MERTK: variants seen among roughly 807,000 people sequenced by gnomAD.
The protein encoded by MERTK is MER proto-oncogene, tyrosine kinase.
A neutral mutation model predicts 99.3 loss-of-function variants in MERTK; 69 were observed. The ratio of observed to expected loss-of-function variants is 0.70; its 90% CI spans 0.57 to 0.85. The LOEUF is 0.85. Ranked by LOEUF, MERTK falls within the 40% of genes least tolerant of loss-of-function variation. MERTK has a pLI of 0.00. For missense variants in MERTK, 1,125 were observed against 1,249.4 expected, an observed-to-expected ratio of 0.90 and a Z score of 1.50; for synonymous variants, 426 against 467.6, an observed-to-expected ratio of 0.91 and a Z score of 1.15.
chr2:111,925,901 C>T (rs566745619), intron 1 of MERTK, among the ~76,000 whole-genome samples: 24 of 151,060 alleles, frequency 1.6e-4, no homozygotes, highest in Admixed American at 2.6e-4. Flanking sequence ...GGCGCGATCT[C>T]GGCTCACTGC....
At chr2:111,918,688 T>A (rs1425509206) in intron 1 of MERTK, among the ~76,000 whole-genome samples, 2 of 152,268 alleles carry the variant, frequency 1.3e-5, no homozygotes, top group Non-Finnish European at 2.9e-5. Flanking sequence ...TTGGCATTGA[T>A]AGTCCAGGCA....
chr2:112,018,587 G>A (rs1445767679), intron 15 of MERTK, among the ~76,000 whole-genome samples: 1 of 152,108 alleles, frequency 6.6e-6, no homozygotes, highest in Non-Finnish European at 1.5e-5. Flanking sequence ...AGTGCCTTGG[G>A]GAGGGTACAT....
chr2:111,948,962 C>T (rs1350137059), intron 4 of MERTK, among the ~76,000 whole-genome samples: 1 of 151,980 alleles, frequency 6.6e-6, no homozygotes, highest in Non-Finnish European at 1.5e-5. Flanking sequence ...CCATCCCATG[C>T]TCTCCATCCT....
Position 111,975,363 on chromosome 2 carries a change from A to C in MERTK, c.1035A>C (p.Gln345His). Reference protein sequence around the residue: ...FNTSALPHLYQIKQLQALANY... With the variant: ...FNTSALPHLYHIKQLQALANY... ...CCTCTGCCTTACCACATCTGTACCA[A>C]ATCAAGCAGCTGCAAGCCCTGGCTA... Residue 345 changes from glutamine (Q) to histidine (H), a missense_variant, in exon 7 of 19, where the codon CAA becomes CAC. Coordinates refer to ENST00000295408, the MANE Select transcript of MERTK (RefSeq NM_006343.3). The C allele has an allele frequency of 6.2e-7, 1 of 1,614,176 alleles. No individual in the cohort carries two copies. Among genetic ancestry groups the C allele is most frequent in the South Asian group, 1.1e-5 (1 of 91,088 alleles).
chr2:112,003,306 G>T, intron 12 of MERTK, 119 bp downstream of exon 12: 1 of 612,176 alleles, frequency 1.6e-6, no homozygotes, highest in South Asian at 1.8e-5. Context: ...TTATACTATG[G>T]ATAGTTATAT....
chr2:111,942,095 T>C (rs1209533080), intron 2 of MERTK, among the ~76,000 whole-genome samples: 1 of 152,210 alleles, frequency 6.6e-6, no homozygotes, highest in Non-Finnish European at 1.5e-5. Context: ...CGGCCTTCAC[T>C]TTCTCTCTGG....
rs189319755 is a variant in MERTK, at chr2:111,944,169, G to T, written c.483-791G>T. Among the ~76,000 whole-genome samples, 12 of 152,034 alleles carry T rather than the reference G, an allele frequency of 7.9e-5. 1 individual carries two copies. The South Asian group carries it at 2.5e-3, about 32-fold the overall frequency. ...GCAAAAATTAATCGGGCATGGTGGC[G>T]CATGCCTGTAATCCCAGCTACTCAG... On this transcript the variant is annotated intron_variant, in intron 2 of 18. Coordinates refer to ENST00000295408, the MANE Select transcript of MERTK (RefSeq NM_006343.3).
intron 15 of MERTK, among the ~76,000 whole-genome samples, chr2:112,015,337 G>T (rs1482660603): frequency 6.6e-6 from 1 of 152,168 alleles, no homozygotes; most frequent in Non-Finnish European, 1.5e-5. Context: ...ACTTAATATT[G>T]TTGCTGGCTT....
intron 6 of MERTK, among the ~76,000 whole-genome samples, chr2:111,970,281 C>T (rs949714942): frequency 1.3e-5 from 2 of 151,500 alleles, no homozygotes; most frequent in Non-Finnish European, 2.9e-5. Context: ...CTCACCCACC[C>T]GAGTAGCTGG....
At chr2:112,022,204 A>T (rs1057062674) in intron 17 of MERTK, 54 bp from the exon 18 acceptor site, 2 of 1,613,420 alleles carry the variant, frequency 1.2e-6, no homozygotes, top group Non-Finnish European at 8.5e-7. Flanking sequence ...GAAAAAGTCC[A>T]TTCAGGCTTT....
Position 111,976,621 on chromosome 2 carries a change from C to A in MERTK, c.1144+1149C>A, listed in dbSNP as rs200936523. On this transcript the variant is annotated intron_variant, in intron 7 of 18. Transcript: ENST00000295408. Reference sequence around the variant, plus strand: ...ACACACATATATACACATAAAATAACCCACAAGTCCATTAAAATGTAATCG... The same window carrying A: ...ACACACATATATACACATAAAATAAACCACAAGTCCATTAAAATGTAATCG... 1.1e-4 allele frequency among the ~76,000 whole-genome samples: 16 copies of A among 151,232 alleles called. No individual in the cohort carries two copies. In the East Asian group the frequency reaches 3.1e-3, roughly 29 times the overall value.
intron 16 of MERTK, 112 bp from the exon 17 acceptor site, chr2:112,021,308 GTC>G: frequency 6.8e-7 from 1 of 1,471,826 alleles, no homozygotes; most frequent in South Asian, 1.1e-5. Flanking sequence ...GGCTGGTGGT[GTC>G]TCTGTGTTCT....
intron 8 of MERTK, among the ~76,000 whole-genome samples, chr2:111,992,576 C>G (rs955201560): frequency 1.3e-5 from 2 of 151,884 alleles, no homozygotes; most frequent in African/African-American, 4.8e-5. Flanking sequence ...CATGGTGAAA[C>G]CCCGTCTCTA....
At chr2:111,967,909 T>TG (rs1397117196) in intron 5 of MERTK, among the ~76,000 whole-genome samples, 14 of 152,148 alleles carry the variant, frequency 9.2e-5, no homozygotes, top group African/African-American at 3.4e-4. Context: ...AATAGGAAAG[T>TG]GGGTCTGCGT....
intron 8 of MERTK, among the ~76,000 whole-genome samples, chr2:111,988,905 C>T (rs997686926): frequency 1.3e-5 from 2 of 152,116 alleles, no homozygotes; most frequent in Admixed American, 6.5e-5. Flanking sequence ...GCCAAGATGG[C>T]GCCACTGCAC....
At chr2:111,917,828 T>C (rs1190703878) in intron 1 of MERTK, among the ~76,000 whole-genome samples, 1 of 150,074 alleles carries the variant, frequency 6.7e-6, no homozygotes, top group Non-Finnish European at 1.5e-5. Context: ...GAGGTTGCAG[T>C]GAGTCGAGAT....
chr2:111,916,758 T>A (rs59219838), intron 1 of MERTK, among the ~76,000 whole-genome samples: 28,264 of 152,102 alleles, frequency 0.19, 3,647 homozygotes, highest in East Asian at 0.7. Flanking sequence ...TTATTTATTT[T>A]TTTGGCACAC....
chr2:111,971,826 G>C (rs1340994684), intron 6 of MERTK, among the ~76,000 whole-genome samples: 3 of 152,200 alleles, frequency 2.0e-5, no homozygotes, highest in Non-Finnish European at 4.4e-5. Context: ...TGTTGGTTTA[G>C]AGTCTTCAGT....
rs1306141544 is a variant in MERTK at position 112,003,883 on chromosome 2, AGGT to A, written c.1787-19_1787-17del. On this transcript the variant is annotated intron_variant, in intron 12 of 18. Coordinates refer to ENST00000295408, the MANE Select transcript of MERTK (RefSeq NM_006343.3). ...GGAAGAGTTTGCACAGTGTCCATAC[AGGT>A]GTTCTTTCACTTCACAGGAGAGTTT... 2 of 1,585,886 alleles carry A rather than the reference AGGT, an allele frequency of 1.3e-6. No individual in the cohort carries two copies. Among genetic ancestry groups the A allele is most frequent in the Admixed American group, 3.3e-5 (2 of 59,958 alleles).
Sources: gnomAD v4.1 joint callset for allele counts (sites outside exome capture counted in the v4.1 genomes callset) on GRCh38, gnomAD v4.1.1 for gene constraint, MANE v1.5 for transcripts, NCBI Gene and HGNC (gene_info 2026-07-23, HGNC 2026-07-21) for gene names.